Variants in SLC25A13 observed in about 807,000 individuals in gnomAD.
SLC25A13 encodes the protein solute carrier family 25 member 13.
Under a neutral mutation model 85.5 loss-of-function variants are expected in SLC25A13, and 70 were observed. That is an observed-to-expected ratio of 0.82 (90% CI 0.68 to 1.00). The LOEUF is 1.00. Ranked by LOEUF, SLC25A13 falls within the 50% of genes least tolerant of loss-of-function variation. The probability of loss-of-function intolerance (pLI) is 0.00; values close to 1 mark genes in which losing one functional copy is unlikely to be tolerated. For missense variants in SLC25A13, 765 were observed against 819.8 expected (o/e 0.93, Z 0.82); for synonymous variants, 259 against 288.7 (o/e 0.90, Z 1.04).
chr7:96,164,918 A>T (rs1478181563), intron 13 of SLC25A13, among the ~76,000 whole-genome samples: 5 of 152,172 alleles, frequency 3.3e-5, no homozygotes, highest in Non-Finnish European at 5.9e-5. Context: ...TTTTATTGTT[A>T]ATGATGGGAA....
intron 2 of SLC25A13, among the ~76,000 whole-genome samples, chr7:96,278,317 T>C (rs1448232324): frequency 2.0e-5 from 3 of 152,182 alleles, no homozygotes; most frequent in African/African-American, 2.4e-5. Flanking sequence ...CTGGTAGCCA[T>C]AGTGATGGAG....
At chr7:96,225,535 A>C (rs1796299911) in intron 4 of SLC25A13, among the ~76,000 whole-genome samples, 1 of 34,590 alleles carries the variant, frequency 2.9e-5, no homozygotes, top group Non-Finnish European at 1.0e-4. Flanking sequence ...TTTCAAAAGA[A>C]AAAAAAAAAA....
At chr7:96,169,116 C>T (rs1314212946) in intron 13 of SLC25A13, among the ~76,000 whole-genome samples, 2 of 152,194 alleles carry the variant, frequency 1.3e-5, no homozygotes. Context: ...ATACCAGGAG[C>T]TAGGACTTCT....
chr7:96,131,442 C>T (rs1467302197), intron 15 of SLC25A13, among the ~76,000 whole-genome samples: 2 of 152,138 alleles, frequency 1.3e-5, no homozygotes, highest in Non-Finnish European at 2.9e-5. Flanking sequence ...TATTCTTATG[C>T]TGTGAAGTGA....
intron 12 of SLC25A13, 142 bp from the exon 13 acceptor site, chr7:96,170,267 T>C (rs997540541): frequency 1.2e-4 from 89 of 753,290 alleles, no homozygotes; most frequent in Middle Eastern, 1.0e-3. Context: ...TAACAGATCT[T>C]AAAATAGTTT....
At chr7:96,260,496 A>T (rs1562885008) in intron 3 of SLC25A13, among the ~76,000 whole-genome samples, 1 of 151,886 alleles carries the variant, frequency 6.6e-6, no homozygotes, top group Non-Finnish European at 1.5e-5. Context: ...AACAGCACCA[A>T]CTCCTTATGC....
At chr7:96,208,998 T>G in intron 4 of SLC25A13, 21 bp from the exon 5 acceptor site, 2 of 1,613,126 alleles carry the variant, frequency 1.2e-6, no homozygotes, top group Non-Finnish European at 1.7e-6. Context: ...AAAAGACAGG[T>G]TGATTAAAAC....
At position 96,134,418 on chromosome 7, in the gene SLC25A13, T is replaced by G. The variant is rs1235461500; in HGVS notation, c.1453-2537A>C. On this transcript the variant is annotated intron_variant, in intron 14 of 17. Coordinates refer to ENST00000265631, the MANE Select transcript of SLC25A13 (RefSeq NM_014251.3). The stretch of plus-strand genomic sequence containing the variant: ...GAGGAAACAGTCACTAATTTTGTAT[T>G]GAAACATTAAAGTTTAAAAAAAGGG... 2.6e-5 allele frequency among the ~76,000 whole-genome samples: 4 copies of G among 152,066 alleles called. 1 individual carries two copies. The highest frequency in any genetic ancestry group is 2.6e-4 in the Admixed American group (4 of 15,278).
At chr7:96,163,287 C>T (rs980379115) in intron 13 of SLC25A13, among the ~76,000 whole-genome samples, 8 of 152,076 alleles carry the variant, frequency 5.3e-5, no homozygotes, top group African/African-American at 1.9e-4. Context: ...ATCAAATTGT[C>T]AATGTTTGAA....
chr7:96,159,695 T>G (rs1298814448), intron 13 of SLC25A13, among the ~76,000 whole-genome samples: 2 of 152,198 alleles, frequency 1.3e-5, no homozygotes, highest in Non-Finnish European at 2.9e-5. Flanking sequence ...ATAGAATTTT[T>G]TTTTCTTTTG....
intron 1 of SLC25A13, among the ~76,000 whole-genome samples, chr7:96,312,772 G>A (rs1799994919): frequency 6.6e-6 from 1 of 152,186 alleles, no homozygotes; most frequent in Non-Finnish European, 1.5e-5. Flanking sequence ...AGAATGGAGA[G>A]GAAGGTGTAG....
chr7:96,133,726 TCATC>T (rs572319905), intron 14 of SLC25A13, among the ~76,000 whole-genome samples: 46 of 152,210 alleles, frequency 3.0e-4, no homozygotes, highest in African/African-American at 1.0e-3. Context: ...TGCTAGCTAT[TCATC>T]CACATGTAGA....
At chr7:96,137,889 T>C (rs899071648) in intron 14 of SLC25A13, among the ~76,000 whole-genome samples, 3 of 152,192 alleles carry the variant, frequency 2.0e-5, no homozygotes, top group African/African-American at 7.2e-5. Flanking sequence ...CTCTCTGCTG[T>C]GATTCTGGGG....
At chr7:96,139,715 T>C (rs959167987) in intron 14 of SLC25A13, among the ~76,000 whole-genome samples, 22 of 152,234 alleles carry the variant, frequency 1.4e-4, no homozygotes, top group Non-Finnish European at 8.8e-5. Flanking sequence ...AATAGAATCA[T>C]GCAGTATTTG....
intron 11 of SLC25A13, among the ~76,000 whole-genome samples, chr7:96,179,187 A>G (rs1794331616): frequency 6.6e-6 from 1 of 152,200 alleles, no homozygotes; most frequent in Non-Finnish European, 1.5e-5. Flanking sequence ...AAACGATCAG[A>G]TACTCCTGCA....
intron 4 of SLC25A13, among the ~76,000 whole-genome samples, chr7:96,212,885 A>AC (rs1795758348): frequency 6.6e-6 from 1 of 152,224 alleles, no homozygotes; most frequent in Non-Finnish European, 1.5e-5. Flanking sequence ...TACGAAATTT[A>AC]CTTTTTACTC....
chr7:96,191,270 G>A (rs770530427), intron 6 of SLC25A13, 23 bp from the exon 7 acceptor site: 1 of 1,612,506 alleles, frequency 6.2e-7, no homozygotes, highest in South Asian at 1.1e-5. Context: ...GAAAACAAGA[G>A]AGAAGAAAAA....
At chr7:96,228,653 C>T (rs1346641723) in intron 4 of SLC25A13, among the ~76,000 whole-genome samples, 1 of 152,238 alleles carries the variant, frequency 6.6e-6, no homozygotes, top group Non-Finnish European at 1.5e-5. Context: ...TGTGGGAGCC[C>T]CTCTCTGGGC....
At chr7:96,317,801 CTTTAT>C (rs1372502879) in intron 1 of SLC25A13, among the ~76,000 whole-genome samples, 8 of 118,574 alleles carry the variant, frequency 6.7e-5, no homozygotes, top group African/African-American at 1.7e-4. Context: ...TTTTATTTTA[CTTTAT>C]TTTATTTTTT....
Sources: allele counts gnomAD v4.1 joint callset (sites outside exome capture counted in the v4.1 genomes callset), GRCh38; gene constraint gnomAD v4.1.1; transcripts MANE v1.5; gene names NCBI Gene and HGNC (gene_info 2026-07-23, HGNC 2026-07-21).